DDX11: variants seen among roughly 807,000 people sequenced by gnomAD.
DDX11 encodes ATP-dependent DNA helicase DDX11.
Under a neutral mutation model 125.2 loss-of-function variants are expected in DDX11, and 72 were observed. That is an observed-to-expected ratio of 0.58 (90% CI 0.48 to 0.70). The LOEUF (loss-of-function observed/expected upper bound fraction) is 0.70, where lower values mean the gene tolerates loss of function less well. DDX11 is among the 30% of genes least tolerant of loss of function. The probability of loss-of-function intolerance (pLI) is 0.00; values close to 1 mark genes in which losing one functional copy is unlikely to be tolerated. For synonymous variants in DDX11, 347 were observed against 452.6 expected, an observed-to-expected ratio of 0.77 and a Z score of 2.96; for missense variants, 883 against 1,165.0, an observed-to-expected ratio of 0.76 and a Z score of 3.52.
chr12:31,082,434 G>C (rs537673542), intron 2 of DDX11, among the ~76,000 whole-genome samples: 2 of 151,802 alleles, frequency 1.3e-5, no homozygotes, highest in South Asian at 4.2e-4. Context: ...CAGAGCTGCA[G>C]GTGGGGGAGA....
intron 2 of DDX11, among the ~76,000 whole-genome samples, chr12:31,081,302 A>C (rs570232041): frequency 6.6e-6 from 1 of 152,230 alleles, no homozygotes; most frequent in Non-Finnish European, 1.5e-5. Context: ...CCCGCAGCCC[A>C]TAGAAGCAGC....
Position 31,096,301 on chromosome 12 carries a change from A to G in DDX11, c.1483-40A>G, listed in dbSNP as rs368402493. 2.8e-6 allele frequency: 4 copies of G among 1,415,278 alleles called. 1 individual carries two copies. Among genetic ancestry groups the G allele is most frequent in the Non-Finnish European group, 3.9e-6 (4 of 1,022,140 alleles). The allele number at this position is 1,415,278 out of a possible 1,614,324, so 87.7% of individuals were successfully genotyped here. On this transcript the variant is annotated intron_variant, in intron 14 of 26. Coordinates refer to ENST00000542838, the MANE Select transcript of DDX11 (RefSeq NM_030653.4). The stretch of plus-strand genomic sequence containing the variant: ...TTGTTTTTAAGATTATAGCTTGCTC[A>G]GTTTGCACTCATGCCTACAGCTGGG...
intron 14 of DDX11, among the ~76,000 whole-genome samples, 155 bp downstream of exon 14, chr12:31,094,977 ATCT>A (rs1217389297): frequency 5.9e-5 from 9 of 152,224 alleles, no homozygotes; most frequent in Non-Finnish European, 1.2e-4. Flanking sequence ...GACAAAAGTC[ATCT>A]TCTTTTAGAG....
intron 2 of DDX11, among the ~76,000 whole-genome samples, chr12:31,079,240 T>C (rs1460124118): frequency 6.6e-6 from 1 of 151,692 alleles, no homozygotes; most frequent in Non-Finnish European, 1.5e-5. Flanking sequence ...CTTTTAAAGT[T>C]AGTTTAGTTT....
intron 23 of DDX11, 170 bp from the exon 24 acceptor site, chr12:31,102,766 C>T: frequency 1.3e-6 from 1 of 753,498 alleles, no homozygotes; most frequent in South Asian, 1.6e-5. Flanking sequence ...GACGGGATCT[C>T]TCAGCCGAAC....
chr12:31,087,677 G>A (rs35384711), intron 5 of DDX11: 45,207 of 568,060 alleles, frequency 0.08, 2,187 homozygotes, highest in Non-Finnish European at 0.1. Context: ...TGAGTCCCGA[G>A]GCTTCCGACT....
intron 5 of DDX11, among the ~76,000 whole-genome samples, chr12:31,085,559 T>G (rs899136556): frequency 3.3e-5 from 5 of 152,204 alleles, no homozygotes; most frequent in Non-Finnish European, 7.4e-5. Context: ...TAGCCTGAGC[T>G]TTCCTTCTCC....
chr12:31,083,950 GTCT>G lies in DDX11; in HGVS notation c.288_290del (p.Ser97del). 1 of 1,613,966 alleles carries G rather than the reference GTCT, an allele frequency of 6.2e-7. No homozygotes were observed. The highest frequency in any genetic ancestry group is 8.5e-7 in the Non-Finnish European group (1 of 1,179,868). ...ATGAGAAAGATGAATCCCTGTGTCT[GTCT>G]TCTTCCTGCGAAGGGGCTGCAGGCA... On this transcript the variant is annotated inframe_deletion, in exon 3 of 27. Coordinates refer to ENST00000542838, the MANE Select transcript of DDX11 (RefSeq NM_030653.4).
At chr12:31,086,577 G>A (rs529239654) in intron 5 of DDX11, among the ~76,000 whole-genome samples, 233 of 152,264 alleles carry the variant, frequency 1.5e-3, no homozygotes, top group African/African-American at 5.2e-3. Context: ...GCCCGCCTCC[G>A]AGGTCATGTT....
At position 31,084,665 on chromosome 12, in the gene DDX11, G is replaced by A. The variant is rs367756364; in HGVS notation, c.476G>A (p.Arg159His). 66 of 1,581,790 alleles carry A rather than the reference G, an allele frequency of 4.2e-5. No homozygotes were observed. The highest frequency in any genetic ancestry group is 4.9e-5 in the Non-Finnish European group (57 of 1,160,200). Reference sequence around the variant, plus strand: ...GTGCAGCTCAAGTATGCAGCCAAGCGCCTGGTGAGCCTCATTTCTTGGGGG... The same window carrying A: ...GTGCAGCTCAAGTATGCAGCCAAGCACCTGGTGAGCCTCATTTCTTGGGGG... ...HRVQLKYAAK[R>H]LRQEEEEREN... Residue 159 changes from arginine (R) to histidine (H), a missense_variant, in exon 4 of 27, where the codon CGC becomes CAC. Arg to His is a conservative substitution (Grantham distance 29). Coordinates refer to ENST00000542838, the MANE Select transcript of DDX11 (RefSeq NM_030653.4).
rs1946869128 is a variant in DDX11, at chr12:31,104,053, C to T, written c.*217C>T. ...GAATGAACAGTGGGTCCTGGCTGTC[C>T]TTGGGGCGTTCCAGGGCAGCTCCCC... On this transcript the variant is annotated 3_prime_UTR_variant, in exon 27 of 27. Coordinates refer to ENST00000542838, the MANE Select transcript of DDX11 (RefSeq NM_030653.4). 2 of 1,546,614 alleles carry T rather than the reference C, an allele frequency of 1.3e-6. No individual in the cohort carries two copies. Among genetic ancestry groups the T allele is most frequent in the Non-Finnish European group, 8.7e-7 (1 of 1,144,462 alleles).
chr12:31,074,248 CCG>C (rs1375832054), intron 1 of DDX11, 157 bp downstream of exon 1: 4 of 152,274 alleles, frequency 2.6e-5, no homozygotes, highest in African/African-American at 9.7e-5. Context: ...TTAACAGCAG[CCG>C]CGTGTCTGGG....
At chr12:31,078,604 T>A in intron 2 of DDX11, 67 bp downstream of exon 2, 1 of 1,610,606 alleles carries the variant, frequency 6.2e-7, no homozygotes. Flanking sequence ...CTTTTCCTGT[T>A]TGCCTATCCA....
intron 17 of DDX11, 60 bp downstream of exon 17, chr12:31,097,050 A>C (rs962810711): frequency 1.2e-6 from 2 of 1,606,272 alleles, no homozygotes; most frequent in Non-Finnish European, 1.7e-6. Flanking sequence ...TGAGCCCGGG[A>C]GCCGCAGCGT....
Position 31,089,114 on chromosome 12 carries a change from G to T in DDX11, c.755G>T (p.Gly252Val). The change falls in exon 7 of 27, where the codon GGC (glycine) becomes GTC (valine). Residue 252 changes from glycine to valine, a missense_variant. Transcript: ENST00000542838. Reference sequence around the variant, plus strand: ...CATGAGGTGAAGAAGAGCCCCTTTGGCAAGGATGTTCGGCTGGTCTCCCTT... The same window carrying T: ...CATGAGGTGAAGAAGAGCCCCTTTGTCAAGGATGTTCGGCTGGTCTCCCTT... The part of the protein sequence containing the change: ...FVHEVKKSPF[G>V]KDVRLVSLGS... 4 of 1,613,998 alleles carry T rather than the reference G, an allele frequency of 2.5e-6. No homozygotes were observed. The highest frequency in any genetic ancestry group is 3.4e-6 in the Non-Finnish European group (4 of 1,179,854).
At chr12:31,095,999 G>A (rs2140907995) in intron 14 of DDX11, among the ~76,000 whole-genome samples, 1 of 143,740 alleles carries the variant, frequency 7.0e-6, no homozygotes, top group Non-Finnish European at 1.5e-5. Flanking sequence ...CTCCTCTGTG[G>A]CTTTGCTCAT....
At chr12:31,082,361 C>A in intron 2 of DDX11, among the ~76,000 whole-genome samples, 1 of 151,840 alleles carries the variant, frequency 6.6e-6, no homozygotes, top group Non-Finnish European at 1.5e-5. Context: ...GAGGAAGGTG[C>A]CGCTGTTGTC....
intron 14 of DDX11, among the ~76,000 whole-genome samples, chr12:31,095,572 G>A (rs1031470388): frequency 2.6e-5 from 4 of 152,038 alleles, no homozygotes; most frequent in Non-Finnish European, 2.9e-5. Flanking sequence ...TTACACATTT[G>A]GGTCACTGTC....
chr12:31,087,782 G>C, intron 5 of DDX11, 156 bp from the exon 6 acceptor site: 2 of 1,352,274 alleles, frequency 1.5e-6, no homozygotes, highest in South Asian at 2.5e-5. Flanking sequence ...GTTGGCATTT[G>C]CCTGGGGGAG....
Sources: gnomAD v4.1 joint callset for allele counts (sites outside exome capture counted in the v4.1 genomes callset) on GRCh38, gnomAD v4.1.1 for gene constraint, MANE v1.5 for transcripts, NCBI Gene and HGNC (gene_info 2026-07-23, HGNC 2026-07-21) for gene names.